The following OR51B5 variants were observed in gnomAD, a reference collection of about 807,000 sequenced individuals.
OR51B5 encodes olfactory receptor family 51 subfamily B member 5.
For synonymous variants in OR51B5, 186 were observed against 144.8 expected (o/e 1.28, Z -2.04); for missense variants, 456 against 374.6 (o/e 1.22, Z -1.79).
chr11:5,468,829 G>A (rs1851178632), intron 1 of OR51B5: 1 of 446,152 alleles, frequency 2.2e-6, no homozygotes, highest in Admixed American at 2.4e-5. Context: ...CATACATGCT[G>A]TTGATGGTAG....
chr11:5,405,647 T>TA (rs1850047724), intron 1 of OR51B5, among the ~76,000 whole-genome samples: 1 of 152,232 alleles, frequency 6.6e-6, no homozygotes, highest in South Asian at 2.1e-4. Flanking sequence ...GACACACCTA[T>TA]AAAGCTTCTG....
exon 1 of OR51B5, chr11:5,342,836 T>G: frequency 4.3e-6 from 7 of 1,613,120 alleles, no homozygotes; most frequent in Non-Finnish European, 5.9e-6. Context: ...GGCCCTCTCC[T>G]CTCTGGAGGC....
At chr11:5,469,658 T>C (rs1201091825) in intron 1 of OR51B5, among the ~76,000 whole-genome samples, 1 of 152,214 alleles carries the variant, frequency 6.6e-6, no homozygotes, top group Non-Finnish European at 1.5e-5. Context: ...CATAGAAACC[T>C]TTGACTAATT....
chr11:5,434,172 T>A (rs1850565394), intron 1 of OR51B5, among the ~76,000 whole-genome samples: 1 of 152,180 alleles, frequency 6.6e-6, no homozygotes, highest in Non-Finnish European at 1.5e-5. Context: ...ATCAATGTTT[T>A]AAAGCTCCTC....
chr11:5,402,921 T>C (rs1301685016), intron 1 of OR51B5: 4 of 471,220 alleles, frequency 8.5e-6, no homozygotes, highest in South Asian at 6.2e-5. Context: ...TCTCCATCCA[T>C]TCTTTATCCA....
At chr11:5,483,204 G>C (rs1426817663) in intron 1 of OR51B5, among the ~76,000 whole-genome samples, 1 of 149,544 alleles carries the variant, frequency 6.7e-6, no homozygotes, top group Non-Finnish European at 1.5e-5. Context: ...CATGTCCTTT[G>C]TAGAGACATG....
intron 1 of OR51B5, among the ~76,000 whole-genome samples, chr11:5,451,185 C>G (rs1850841806): frequency 6.6e-6 from 1 of 152,202 alleles, no homozygotes; most frequent in African/African-American, 2.4e-5. Flanking sequence ...ACAAAATTAG[C>G]AATCCCCAAG....
chr11:5,451,243 A>G (rs191425872), intron 1 of OR51B5, among the ~76,000 whole-genome samples: 10 of 152,370 alleles, frequency 6.6e-5, no homozygotes, highest in African/African-American at 2.2e-4. Context: ...TCTTTCTTCT[A>G]CAAATACTAA....
At chr11:5,471,611 G>C (rs1156528655) in intron 1 of OR51B5, among the ~76,000 whole-genome samples, 1 of 149,878 alleles carries the variant, frequency 6.7e-6, no homozygotes, top group African/African-American at 2.5e-5. Flanking sequence ...ACTCCAGCCT[G>C]GGTGACAGAG....
At chr11:5,345,756 G>A (rs1363001071), upstream of OR51B5, 1 of 151,702 alleles carries the variant, frequency 6.6e-6, no homozygotes, top group Non-Finnish European at 1.5e-5. Context: ...TGCCACCAAA[G>A]GAAACGATCC....
chr11:5,358,675 G>A lies in OR51B5; in HGVS notation n.85-11765C>T, dbSNP rs897225093. On this transcript the variant is annotated intron_variant and non_coding_transcript_variant, in intron 1 of 4. Transcript: ENST00000415970. Reference sequence around the variant, plus strand: ...AGCATCATCCTGATACCAAAGCCGGGCAGAGACACAACAAAAAAAGAGAAT... The same window carrying A: ...AGCATCATCCTGATACCAAAGCCGGACAGAGACACAACAAAAAAAGAGAAT... Among the ~76,000 whole-genome samples the A allele has an allele frequency of 2.8e-3, 424 of 151,936 alleles. 7 individuals are homozygous for A. Among genetic ancestry groups the A allele is most frequent in the Non-Finnish European group, 5.0e-3 (338 of 67,902 alleles).
At chr11:5,477,855 G>A (rs1378611074) in intron 1 of OR51B5, among the ~76,000 whole-genome samples, 1 of 152,148 alleles carries the variant, frequency 6.6e-6, no homozygotes, top group Non-Finnish European at 1.5e-5. Flanking sequence ...TGGCTCGGAG[G>A]GTCCTACGCC....
At chr11:5,380,832 G>T (rs1054747867) in intron 1 of OR51B5, among the ~76,000 whole-genome samples, 1 of 152,152 alleles carries the variant, frequency 6.6e-6, no homozygotes, top group African/African-American at 2.4e-5. Context: ...TTGAGGACAC[G>T]GGAAGGTGGT....
intron 1 of OR51B5, among the ~76,000 whole-genome samples, chr11:5,366,792 A>G (rs1327642062): frequency 6.6e-6 from 1 of 152,160 alleles, no homozygotes; most frequent in Non-Finnish European, 1.5e-5. Context: ...AAAAATTAAA[A>G]TTTGGGAAAA....
intron 1 of OR51B5, chr11:5,390,153 C>T (rs1849772239): frequency 6.2e-7 from 1 of 1,613,894 alleles, no homozygotes; most frequent in South Asian, 1.1e-5. Flanking sequence ...GCCTTTCAGA[C>T]ATGCACCGCT....
intron 1 of OR51B5, among the ~76,000 whole-genome samples, chr11:5,387,464 T>C (rs1197359076): frequency 2.6e-5 from 4 of 152,180 alleles, no homozygotes; most frequent in Non-Finnish European, 5.9e-5. Context: ...GACTATTTTT[T>C]ACCCCTTGCC....
chr11:5,485,195 AAAG>A (rs1472067176), intron 1 of OR51B5, among the ~76,000 whole-genome samples: 1 of 152,192 alleles, frequency 6.6e-6, no homozygotes, highest in Non-Finnish European at 1.5e-5. Flanking sequence ...AAAAAGGATA[AAAG>A]AATACACAGT....
intron 1 of OR51B5, among the ~76,000 whole-genome samples, chr11:5,369,095 C>A (rs1228865282): frequency 6.6e-6 from 1 of 152,040 alleles, no homozygotes; most frequent in Non-Finnish European, 1.5e-5. Context: ...GTTGGGCCAC[C>A]TAGAGACATA....
At chr11:5,472,918 G>C (rs1240847753) in intron 1 of OR51B5, among the ~76,000 whole-genome samples, 1 of 152,172 alleles carries the variant, frequency 6.6e-6, no homozygotes, top group Non-Finnish European at 1.5e-5. Flanking sequence ...GACCATCCTT[G>C]TTTGCCCCAT....
Sources: allele counts gnomAD v4.1 joint callset (sites outside exome capture counted in the v4.1 genomes callset), GRCh38; gene constraint gnomAD v4.1.1; transcripts MANE v1.5; gene names NCBI Gene and HGNC (gene_info 2026-07-23, HGNC 2026-07-21).